The following CHAF1B variants were observed in gnomAD, a reference collection of about 807,000 sequenced individuals.
CHAF1B encodes chromatin assembly factor 1 subunit B, also known as CAF-1 subunit B.
A neutral mutation model predicts 60.7 loss-of-function variants in CHAF1B; 10 were observed. That is an observed-to-expected ratio of 0.16 (90% CI 0.10 to 0.28). CHAF1B has a LOEUF of 0.28. CHAF1B is among the 10% of genes least tolerant of loss of function. CHAF1B has a pLI of 1.00. For synonymous variants in CHAF1B, 261 were observed against 266.1 expected, an observed-to-expected ratio of 0.98 and a Z score of 0.19; for missense variants, 558 against 708.4, an observed-to-expected ratio of 0.79 and a Z score of 2.41.
rs1025865276 is a variant in CHAF1B, at chr21:36,416,513, T to C, written c.*147T>C. 15 of 548,634 alleles carry C rather than the reference T, an allele frequency of 2.7e-5. No homozygotes were observed. Among genetic ancestry groups the C allele is most frequent in the Non-Finnish European group, 4.5e-5 (14 of 312,912 alleles). 34.0% of individuals were successfully genotyped at this position (548,634 alleles called of 1,614,324 possible). On this transcript the variant is annotated 3_prime_UTR_variant, in exon 14 of 14. Transcript: ENST00000314103. ...TAACAGAAGTGACATGTGTACTGAT[T>C]TTTCTCCAGAAATATGGATGCTGTT...
Position 36,410,155 on chromosome 21 carries a change from A to C in CHAF1B, c.919+690A>C, listed in dbSNP as rs541851843. On this transcript the variant is annotated intron_variant, in intron 10 of 13. Coordinates refer to ENST00000314103, the MANE Select transcript of CHAF1B (RefSeq NM_005441.3). ...TTTTTGTATTTTTAGTAGAGATGGG[A>C]TTTTGCCATGTTGGCCAGGCTGGTC... 2.0e-5 allele frequency among the ~76,000 whole-genome samples: 3 copies of C among 150,570 alleles called. No individual in the cohort carries two copies. In the East Asian group the frequency reaches 5.9e-4, roughly 30 times the overall value.
At position 36,412,856 on chromosome 21, in the gene CHAF1B, G is replaced by A. The variant is rs748965823; in HGVS notation, c.1062-28G>A. 6.9e-6 allele frequency: 11 copies of A among 1,596,446 alleles called. No individual in the cohort carries two copies. The African/African-American group carries it at 1.3e-4, about 19-fold the overall frequency. On this transcript the variant is annotated intron_variant, in intron 11 of 13. Coordinates refer to ENST00000314103, the MANE Select transcript of CHAF1B (RefSeq NM_005441.3). ...AGATGTGAGAGTGTTGGTAAGGTCT[G>A]TAACTTTTCCCTGTTTTGGGGACGA...
intron 7 of CHAF1B, 85 bp downstream of exon 7, chr21:36,399,690 A>G: frequency 9.2e-7 from 1 of 1,089,672 alleles, no homozygotes; most frequent in Non-Finnish European, 1.4e-6. Flanking sequence ...CCTTGCAGCC[A>G]AATCACTGGC....
intron 5 of CHAF1B, among the ~76,000 whole-genome samples, chr21:36,395,935 T>C (rs1457377151): frequency 6.6e-6 from 1 of 152,112 alleles, no homozygotes; most frequent in Non-Finnish European, 1.5e-5. Flanking sequence ...TAAAAATTTT[T>C]GCTCTTTTTA....
chr21:36,399,236 A>G (rs2086166833), intron 6 of CHAF1B, among the ~76,000 whole-genome samples: 2 of 151,718 alleles, frequency 1.3e-5, no homozygotes, highest in South Asian at 4.2e-4. Context: ...GGGTTTCACC[A>G]TGTTGGCCAG....
At chr21:36,399,775 G>A (rs988612593) in intron 7 of CHAF1B, among the ~76,000 whole-genome samples, 170 bp downstream of exon 7, 2 of 152,162 alleles carry the variant, frequency 1.3e-5, no homozygotes, top group African/African-American at 4.8e-5. Flanking sequence ...TGGTGGGCTA[G>A]TCTGTATGGA....
At chr21:36,397,006 C>T (rs757142242) in intron 5 of CHAF1B, among the ~76,000 whole-genome samples, 2 of 152,180 alleles carry the variant, frequency 1.3e-5, no homozygotes, top group South Asian at 2.1e-4. Context: ...AGCTACCTCT[C>T]CCTGCTCCAT....
At chr21:36,390,808 C>A (rs1353989765) in intron 3 of CHAF1B, among the ~76,000 whole-genome samples, 1 of 152,152 alleles carries the variant, frequency 6.6e-6, no homozygotes, top group Admixed American at 6.6e-5. Flanking sequence ...GTGTGTGCCA[C>A]CACACCTGGC....
In CHAF1B at chr21:36,415,194, A is replaced by C; in HGVS notation, c.1494-101A>C. On this transcript the variant is annotated intron_variant, in intron 12 of 13. Transcript: ENST00000314103. Reference sequence around the variant, plus strand: ...GAACCAGAAGTTCAGCTGAAAATTTAAGTATTTCCTTTGGTAGTTTTGAAG... The same window carrying C: ...GAACCAGAAGTTCAGCTGAAAATTTCAGTATTTCCTTTGGTAGTTTTGAAG... 4.2e-6 allele frequency: 3 copies of C among 716,184 alleles called. No individual in the cohort carries two copies. The South Asian group carries it at 5.2e-5, about 12-fold the overall frequency. 44.4% of individuals were successfully genotyped at this position (716,184 alleles called of 1,614,324 possible). A position where few individuals can be genotyped will look rare whatever the true frequency, so the allele number is the denominator to read the frequency against.
At chr21:36,391,918 T>C (rs2086092712) in intron 4 of CHAF1B, among the ~76,000 whole-genome samples, 1 of 137,906 alleles carries the variant, frequency 7.3e-6, no homozygotes, top group Non-Finnish European at 1.5e-5. Context: ...TTTTTTTTTT[T>C]TTTTTTTTTT....
intron 13 of CHAF1B, chr21:36,415,909 C>A: frequency 3.1e-6 from 1 of 322,896 alleles, no homozygotes; most frequent in South Asian, 2.5e-5. Context: ...TGCGCCATCA[C>A]ACCCGGGTAA....
intron 4 of CHAF1B, among the ~76,000 whole-genome samples, chr21:36,393,199 G>A (rs1162744253): frequency 6.6e-6 from 1 of 152,198 alleles, no homozygotes; most frequent in African/African-American, 2.4e-5. Context: ...GAGGGAGACT[G>A]TGGAGAGAGC....
chr21:36,389,966 C>T (rs2086073250), intron 3 of CHAF1B, among the ~76,000 whole-genome samples: 3 of 152,092 alleles, frequency 2.0e-5, no homozygotes, highest in African/African-American at 7.2e-5. Flanking sequence ...GGAGAGTGTT[C>T]ATCCATCAGG....
intron 1 of CHAF1B, 122 bp downstream of exon 1, chr21:36,385,573 G>T (rs2146357307): frequency 6.6e-6 from 1 of 151,862 alleles, no homozygotes; most frequent in African/African-American, 2.4e-5. Context: ...GCGCGTTGGG[G>T]CGGCGGGGCC....
intron 12 of CHAF1B, among the ~76,000 whole-genome samples, chr21:36,414,364 C>G (rs2086301609): frequency 6.6e-6 from 1 of 152,218 alleles, no homozygotes; most frequent in African/African-American, 2.4e-5. Flanking sequence ...TTGGCAAGTT[C>G]ATAATATGTG....
intron 8 of CHAF1B, among the ~76,000 whole-genome samples, chr21:36,407,287 G>GT (rs1007553969): frequency 2.0e-5 from 3 of 147,490 alleles, no homozygotes; most frequent in African/African-American, 2.6e-5. Flanking sequence ...GGGCAACAGA[G>GT]TGAGACTCTG....
chr21:36,386,018 A>G, intron 1 of CHAF1B, 42 bp from the exon 2 acceptor site: 1 of 1,261,366 alleles, frequency 7.9e-7, no homozygotes, highest in South Asian at 1.4e-5. Context: ...GCGCTCAATA[A>G]CCCTTTGCTG....
intron 4 of CHAF1B, among the ~76,000 whole-genome samples, chr21:36,393,991 C>T (rs1372832462): frequency 6.6e-6 from 1 of 151,988 alleles, no homozygotes; most frequent in Non-Finnish European, 1.5e-5. Flanking sequence ...TCTCTGCCTG[C>T]TGGGTTCAGG....
Position 36,394,530 on chromosome 21 carries a change from T to C in CHAF1B, c.378-17T>C, listed in dbSNP as rs977059558. On this transcript the variant is annotated splice_polypyrimidine_tract_variant and intron_variant, in intron 4 of 13. Transcript: ENST00000314103. ...TGGGGAGTAATTGCTTTTTTCCTCTTTGTTTTTGGATTCTAGGGGCCACTT... is the reference window on the plus strand; with the variant it reads ...TGGGGAGTAATTGCTTTTTTCCTCTCTGTTTTTGGATTCTAGGGGCCACTT... 6.3e-7 allele frequency: 1 copy of C among 1,589,054 alleles called. No homozygotes were observed. Among genetic ancestry groups the C allele is most frequent in the South Asian group, 1.1e-5 (1 of 89,950 alleles).
Sources: allele counts gnomAD v4.1 joint callset (sites outside exome capture counted in the v4.1 genomes callset), GRCh38; gene constraint gnomAD v4.1.1; transcripts MANE v1.5; gene names NCBI Gene and HGNC (gene_info 2026-07-23, HGNC 2026-07-21).